Variants in KCNH1 observed in about 807,000 individuals in gnomAD.
The protein encoded by KCNH1 is voltage-gated delayed rectifier potassium channel KCNH1.
In KCNH1, 27 loss-of-function variants were observed where a neutral mutation model predicts 69.2. The ratio of observed to expected loss-of-function variants is 0.39; its 90% CI spans 0.29 to 0.54. The LOEUF (loss-of-function observed/expected upper bound fraction) is 0.54, where lower values mean the gene tolerates loss of function less well. Among genes scored for constraint, KCNH1 ranks in the 20% least tolerant of loss-of-function variants. The probability of loss-of-function intolerance (pLI) is 0.68; values close to 1 mark genes in which losing one functional copy is unlikely to be tolerated. For synonymous variants in KCNH1, 456 were observed against 487.7 expected (o/e 0.93, Z 0.86); for missense variants, 798 against 1,261.6 (o/e 0.63, Z 5.57).
chr1:210,847,824 AAAAAG>A (rs1188639039), intron 7 of KCNH1, among the ~76,000 whole-genome samples: 3 of 152,098 alleles, frequency 2.0e-5, no homozygotes, highest in East Asian at 3.8e-4. Context: ...GTGGGAAAAA[AAAAAG>A]AAATTTTTTA....
intron 9 of KCNH1, among the ~76,000 whole-genome samples, chr1:210,779,447 G>T (rs1683931429): frequency 6.6e-6 from 1 of 152,210 alleles, no homozygotes; most frequent in South Asian, 2.1e-4. Context: ...CAAGCTGCTT[G>T]TAAGTTACAC....
At chr1:211,043,794 G>C (rs1226163794) in intron 5 of KCNH1, among the ~76,000 whole-genome samples, 1 of 152,202 alleles carries the variant, frequency 6.6e-6, no homozygotes, top group East Asian at 1.9e-4. Context: ...ACATACACAA[G>C]TCAATAAATG....
At chr1:210,917,389 G>A (rs1026613760) in intron 7 of KCNH1, among the ~76,000 whole-genome samples, 1 of 151,990 alleles carries the variant, frequency 6.6e-6, no homozygotes, top group Admixed American at 6.5e-5. Flanking sequence ...CAGAAGGTGG[G>A]AAGAGAAAAG....
chr1:210,706,329 C>G (rs1159973882), intron 10 of KCNH1, among the ~76,000 whole-genome samples: 1 of 152,186 alleles, frequency 6.6e-6, no homozygotes, highest in Non-Finnish European at 1.5e-5. Context: ...TTCTGAGTCC[C>G]CAGTCATTGA....
intron 6 of KCNH1, among the ~76,000 whole-genome samples, chr1:211,009,595 ATTTTC>A (rs1183349867): frequency 6.9e-6 from 1 of 144,856 alleles, no homozygotes; most frequent in Non-Finnish European, 1.5e-5. Flanking sequence ...TATGTAAGTT[ATTTTC>A]TTTTCTTTTT....
At chr1:210,905,767 G>C (rs927844187) in intron 7 of KCNH1, among the ~76,000 whole-genome samples, 1 of 152,008 alleles carries the variant, frequency 6.6e-6, no homozygotes, top group Non-Finnish European at 1.5e-5. Context: ...TGTAAGCTCT[G>C]TTTCTTCCTG....
intron 5 of KCNH1, among the ~76,000 whole-genome samples, chr1:211,069,303 A>C (rs1185021815): frequency 8.4e-6 from 1 of 119,570 alleles, no homozygotes; most frequent in South Asian, 3.2e-4. Context: ...CCCTACCATC[A>C]CATTACTAAA....
intron 5 of KCNH1, among the ~76,000 whole-genome samples, chr1:211,073,722 G>C (rs1479210100): frequency 2.6e-5 from 4 of 152,198 alleles, no homozygotes; most frequent in East Asian, 3.9e-4. Context: ...GCAGTGTTTA[G>C]AGGGAAATTT....
intron 10 of KCNH1, among the ~76,000 whole-genome samples, chr1:210,718,982 A>G (rs1682382355): frequency 6.6e-6 from 1 of 152,154 alleles, no homozygotes; most frequent in Non-Finnish European, 1.5e-5. Flanking sequence ...GGTAGATGAC[A>G]ACTCCCAAGA....
chr1:210,730,482 A>G (rs1468693496), intron 10 of KCNH1, among the ~76,000 whole-genome samples: 2 of 152,188 alleles, frequency 1.3e-5, no homozygotes, highest in East Asian at 3.9e-4. Flanking sequence ...ACTGAGAGAC[A>G]GTTGGATAAT....
intron 10 of KCNH1, among the ~76,000 whole-genome samples, chr1:210,718,651 TACACACACAC>T (rs57407331): frequency 0.021 from 1,588 of 75,540 alleles, 103 homozygotes; most frequent in African/African-American, 0.065. Flanking sequence ...CATATATATA[TACACACACAC>T]ACACACACAC....
chr1:211,088,421 C>A (rs1228953294), intron 4 of KCNH1, among the ~76,000 whole-genome samples: 1 of 152,118 alleles, frequency 6.6e-6, no homozygotes, highest in Non-Finnish European at 1.5e-5. Flanking sequence ...AGATTTGATC[C>A]CTGTAGCCAA....
At chr1:211,046,805 G>C (rs1319304817) in intron 5 of KCNH1, among the ~76,000 whole-genome samples, 2 of 152,250 alleles carry the variant, frequency 1.3e-5, no homozygotes, top group East Asian at 1.9e-4. Context: ...ATTCAAGAGA[G>C]GTTAAGTTGC....
chr1:210,900,671 G>A (rs1425844861), intron 7 of KCNH1, among the ~76,000 whole-genome samples: 1 of 152,120 alleles, frequency 6.6e-6, no homozygotes, highest in East Asian at 1.9e-4. Flanking sequence ...GGTCACGATG[G>A]AACAAGAAGA....
rs367626930 is a variant in KCNH1 at position 210,883,920 on chromosome 1, G to A, written c.1462+35720C>T. Among the ~76,000 whole-genome samples the A allele has an allele frequency of 2.0e-5, 3 of 152,352 alleles. No individual in the cohort carries two copies. In the East Asian group the frequency reaches 5.8e-4, roughly 29 times the overall value. ...GATTAAACTTGGATGGTGAAACCAAGGGCCTAGATTACATCTGGTCTGAGG... is the reference window on the plus strand; with the variant it reads ...GATTAAACTTGGATGGTGAAACCAAAGGCCTAGATTACATCTGGTCTGAGG... On this transcript the variant is annotated intron_variant, in intron 7 of 10. Transcript: ENST00000271751.
intron 6 of KCNH1, among the ~76,000 whole-genome samples, chr1:210,948,620 G>C (rs1688005657): frequency 6.6e-6 from 1 of 151,960 alleles, no homozygotes; most frequent in Non-Finnish European, 1.5e-5. Context: ...ACAAGGTCAG[G>C]AGATCGAGAC....
intron 6 of KCNH1, among the ~76,000 whole-genome samples, chr1:210,946,983 A>G (rs2102594550): frequency 6.6e-6 from 1 of 152,258 alleles, no homozygotes; most frequent in South Asian, 2.1e-4. Context: ...ACAGTGCAAT[A>G]TCACCGCCAA....
intron 10 of KCNH1, among the ~76,000 whole-genome samples, chr1:210,756,092 C>T (rs1223016989): frequency 6.6e-6 from 1 of 152,172 alleles, no homozygotes; most frequent in Non-Finnish European, 1.5e-5. Context: ...ATTTTAAACT[C>T]CATTTCCTAA....
intron 6 of KCNH1, among the ~76,000 whole-genome samples, chr1:210,936,124 G>A (rs1168357376): frequency 6.6e-6 from 1 of 152,174 alleles, no homozygotes; most frequent in Admixed American, 6.5e-5. Flanking sequence ...GTTCTGACAG[G>A]CTTCCAGGTC....
Sources: allele counts gnomAD v4.1 joint callset (sites outside exome capture counted in the v4.1 genomes callset), GRCh38; gene constraint gnomAD v4.1.1; transcripts MANE v1.5; gene names NCBI Gene and HGNC (gene_info 2026-07-23, HGNC 2026-07-21).